The following EFCAB6 variants were observed in gnomAD, a reference collection of about 807,000 sequenced individuals.
EFCAB6 encodes the protein EF-hand calcium-binding domain-containing protein 6.
In EFCAB6, 156 loss-of-function variants were observed where a neutral mutation model predicts 169.8. The observed-to-expected ratio is 0.92, with a 90% CI of 0.81 to 1.05. The LOEUF is 1.05. Among genes scored for constraint, EFCAB6 ranks in the 50% least tolerant of loss-of-function variants. The pLI is 0.00. For missense variants in EFCAB6, 1,800 were observed against 1,829.1 expected (o/e 0.98, Z 0.29); for synonymous variants, 698 against 676.4 (o/e 1.03, Z -0.50).
intron 24 of EFCAB6, among the ~76,000 whole-genome samples, chr22:43,587,242 G>T (rs566523508): frequency 4.6e-5 from 7 of 152,148 alleles, no homozygotes; most frequent in Non-Finnish European, 1.0e-4. Flanking sequence ...CGGAGATGTT[G>T]TTTCTGAGCA....
chr22:43,762,512 A>C (rs1016057584), intron 5 of EFCAB6, among the ~76,000 whole-genome samples: 22 of 152,228 alleles, frequency 1.4e-4, no homozygotes, highest in African/African-American at 5.1e-4. Flanking sequence ...GTACGTACAT[A>C]TTTTGCCTTT....
chr22:43,612,967 G>A (rs1286362250), intron 21 of EFCAB6, among the ~76,000 whole-genome samples: 2 of 150,036 alleles, frequency 1.3e-5, no homozygotes, highest in African/African-American at 2.4e-5. Flanking sequence ...CTTATATACT[G>A]TTGGTGGGAG....
chr22:43,540,062 C>T, intron 28 of EFCAB6, 65 bp downstream of exon 28: 2 of 1,575,066 alleles, frequency 1.3e-6, no homozygotes, highest in Non-Finnish European at 1.7e-6. Context: ...CCCAAAGTCC[C>T]CCCAGTGGGA....
chr22:43,574,083 G>T (rs182855031), intron 26 of EFCAB6, among the ~76,000 whole-genome samples: 16 of 151,962 alleles, frequency 1.1e-4, no homozygotes, highest in Middle Eastern at 3.4e-3. Flanking sequence ...CCAAAATGTA[G>T]ATAGAGATTT....
chr22:43,559,135 C>A (rs2048879956), intron 26 of EFCAB6, among the ~76,000 whole-genome samples: 1 of 152,156 alleles, frequency 6.6e-6, no homozygotes, highest in African/African-American at 2.4e-5. Flanking sequence ...GGCCTAATAT[C>A]CAGAATCTAC....
chr22:43,618,143 G>GAGGA lies in EFCAB6; in HGVS notation c.2466-2225_2466-2222dup, dbSNP rs6147637. On this transcript the variant is annotated intron_variant, in intron 20 of 31. Coordinates refer to ENST00000262726, the MANE Select transcript of EFCAB6 (RefSeq NM_022785.4). ...AAAAAAAAAAGAAAGAGACAGAGAGGAGGAAGGAAGGAAGGAAGGAAGGAA... is the reference window on the plus strand; with the variant it reads ...AAAAAAAAAAGAAAGAGACAGAGAGGAGGAAGGAAGGAAGGAAGGAAGGAAGGAA... 7.8e-3 allele frequency among the ~76,000 whole-genome samples: 496 copies of GAGGA among 63,962 alleles called. 31 individuals are homozygous for GAGGA. Among genetic ancestry groups the GAGGA allele is most frequent in the African/African-American group, 0.029 (456 of 15,580 alleles). The allele number at this position is 63,962 out of a possible 152,430, so 42.0% of individuals were successfully genotyped here.
chr22:43,742,183 A>C (rs575769978), intron 6 of EFCAB6, among the ~76,000 whole-genome samples: 13 of 152,334 alleles, frequency 8.5e-5, no homozygotes, highest in African/African-American at 3.1e-4. Context: ...CAAGCTAAGA[A>C]TGGTTTTTAA....
At chr22:43,582,321 G>A (rs1015598046) in intron 24 of EFCAB6, among the ~76,000 whole-genome samples, 1 of 149,094 alleles carries the variant, frequency 6.7e-6, no homozygotes, top group Non-Finnish European at 1.5e-5. Context: ...GGATGAAATG[G>A]TCCTTCCTTT....
intron 11 of EFCAB6, among the ~76,000 whole-genome samples, chr22:43,684,818 G>T (rs1403831138): frequency 6.6e-6 from 1 of 152,112 alleles, no homozygotes; most frequent in Non-Finnish European, 1.5e-5. Context: ...TATCCACCGG[G>T]TACCCCTGAC....
chr22:43,633,347 A>G (rs1403533462), intron 18 of EFCAB6, among the ~76,000 whole-genome samples: 1 of 152,206 alleles, frequency 6.6e-6, no homozygotes, highest in Non-Finnish European at 1.5e-5. Context: ...CAAGAGATCG[A>G]GACCATCCTG....
chr22:43,626,450 A>T lies in EFCAB6; in HGVS notation c.2462T>A (p.Ile821Asn). 1 of 1,614,030 alleles carries T rather than the reference A, an allele frequency of 6.2e-7. No individual in the cohort carries two copies. Among genetic ancestry groups the T allele is most frequent in the East Asian group, 2.2e-5 (1 of 44,882 alleles). ...CAGACCCGTGCTGCCTTCTTACCTAATGAGTCTTTGAGGCGCTTCATCTGT... is the reference window on the plus strand; with the variant it reads ...CAGACCCGTGCTGCCTTCTTACCTATTGAGTCTTTGAGGCGCTTCATCTGT... ...WRTDEAPQRL[I>N]RPKQKVADSE... Residue 821 changes from isoleucine to asparagine, a missense_variant, in exon 20 of 32, where the codon ATT (isoleucine) becomes AAT (asparagine). Physicochemically the swap from Ile to Asn is moderately radical, Grantham distance 149 (BLOSUM62 -3). Transcript: ENST00000262726.
In EFCAB6 at chr22:43,628,399, G is replaced by A. The variant is rs976406585; in HGVS notation, c.2233-1720C>T. ...ACCACCTCGGCCCCCACCCAAGGTC[G>A]CTGGAGTCCTGCAGGAACCTCGTGA... On this transcript the variant is annotated intron_variant, in intron 19 of 31. Transcript: ENST00000262726. The surrounding 1 kb of genome is among the most constrained non-coding windows in gnomAD (Gnocchi z 4.8). 1.3e-5 allele frequency among the ~76,000 whole-genome samples: 2 copies of A among 152,128 alleles called. No homozygotes were observed. The highest frequency in any genetic ancestry group is 2.4e-5 in the African/African-American group (1 of 41,432).
intron 2 of EFCAB6, among the ~76,000 whole-genome samples, chr22:43,791,321 G>A (rs528879203): frequency 6.6e-5 from 10 of 151,680 alleles, no homozygotes; most frequent in South Asian, 4.2e-4. Context: ...TGCAGTGAGC[G>A]GAGACCACAC....
At chr22:43,711,348 C>A in intron 10 of EFCAB6, 127 bp downstream of exon 10, 2 of 996,288 alleles carry the variant, frequency 2.0e-6, no homozygotes, top group Non-Finnish European at 2.8e-6. Context: ...CCCTTTACTT[C>A]TGTATACGTT....
intron 9 of EFCAB6, among the ~76,000 whole-genome samples, chr22:43,716,506 A>G (rs550065625): frequency 6.6e-5 from 10 of 152,178 alleles, no homozygotes; most frequent in Non-Finnish European, 1.2e-4. Flanking sequence ...AGGTAGTAAT[A>G]CTAAATCTTC....
chr22:43,695,467 C>T (rs1403054565), intron 10 of EFCAB6, among the ~76,000 whole-genome samples: 2 of 151,930 alleles, frequency 1.3e-5, no homozygotes, highest in Non-Finnish European at 2.9e-5. Flanking sequence ...CTTTCAAAAA[C>T]ATATACTGAC....
chr22:43,800,437 C>T (rs1284157471), intron 2 of EFCAB6, among the ~76,000 whole-genome samples: 3 of 152,186 alleles, frequency 2.0e-5, no homozygotes, highest in Non-Finnish European at 4.4e-5. Context: ...ACAAAAAAGA[C>T]AGCAGCAAAC....
chr22:43,768,531 C>A (rs564324205), intron 4 of EFCAB6, among the ~76,000 whole-genome samples: 1 of 152,186 alleles, frequency 6.6e-6, no homozygotes, highest in Non-Finnish European at 1.5e-5. Context: ...AGAAGGGAAG[C>A]CATGCCCTTC....
intron 21 of EFCAB6, among the ~76,000 whole-genome samples, chr22:43,609,405 G>C (rs892231096): frequency 6.6e-6 from 1 of 152,202 alleles, no homozygotes; most frequent in Non-Finnish European, 1.5e-5. Context: ...TGACATGACT[G>C]TATACACAGG....
Sources: allele counts gnomAD v4.1 joint callset (sites outside exome capture counted in the v4.1 genomes callset), GRCh38; gene constraint gnomAD v4.1.1; non-coding constraint Gnocchi (gnomAD v3.1); transcripts MANE v1.5; gene names NCBI Gene and HGNC (gene_info 2026-07-23, HGNC 2026-07-21).